The following NUDT21 variants were observed in gnomAD, a reference collection of about 807,000 sequenced individuals.
NUDT21 encodes nudix hydrolase 21.
In NUDT21, 5 loss-of-function variants were observed where a neutral mutation model predicts 29.8. That is an observed-to-expected ratio of 0.17 (90% CI 0.09 to 0.35). NUDT21 has a LOEUF of 0.35. Ranked by LOEUF, NUDT21 falls within the 10% of genes least tolerant of loss-of-function variation. The pLI is 1.00. For missense variants in NUDT21, 76 were observed against 276.0 expected (o/e 0.28, Z 5.13); for synonymous variants, 113 against 98.5 (o/e 1.15, Z -0.87).
In NUDT21 at chr16:56,432,718, G is replaced by A; in HGVS notation, c.678C>T (p.Tyr226=). 1 of 1,610,314 alleles carries A rather than the reference G, an allele frequency of 6.2e-7. No homozygotes were observed. The highest frequency in any genetic ancestry group is 8.5e-7 in the Non-Finnish European group (1 of 1,177,168). The change falls in exon 7 of 7, where the codon TAC becomes TAT. Residue 226 remains tyrosine (Y), a synonymous_variant. Transcript: ENST00000300291. ...TTCTCCACTGCGCAGGAATTCAGTT[G>A]TAAATAAAATTGAACCTGAATTTTA... ...PQLLSRFNFI[Y]N
At chr16:56,445,574 CATAT>C (rs1364360243) in intron 3 of NUDT21, among the ~76,000 whole-genome samples, 1 of 152,176 alleles carries the variant, frequency 6.6e-6, no homozygotes, top group East Asian at 1.9e-4. Flanking sequence ...AAATATACTC[CATAT>C]ATACTTTGAA....
In NUDT21 at chr16:56,439,754, A is replaced by G; in HGVS notation, c.382-8T>C. 1 of 1,608,858 alleles carries G rather than the reference A, an allele frequency of 6.2e-7. No individual in the cohort carries two copies. The highest frequency in any genetic ancestry group is 8.5e-7 in the Non-Finnish European group (1 of 1,175,218). ...ATCCTGACGACCCAGTATCTGTCAA[A>G]AAGAAATAAGCCAGTAAACAACTAA... On this transcript the variant is annotated splice_region_variant and splice_polypyrimidine_tract_variant and intron_variant, in intron 3 of 6. Transcript: ENST00000300291.
intron 4 of NUDT21, among the ~76,000 whole-genome samples, chr16:56,437,159 A>G (rs757918309): frequency 3.9e-5 from 6 of 152,188 alleles, no homozygotes; most frequent in Admixed American, 6.5e-5. Flanking sequence ...CACAGCCCCT[A>G]TCTTCTTGTC....
rs1441376060 is a variant in NUDT21, at chr16:56,432,086, C to T, written c.*626G>A. 2 of 152,196 alleles carry T rather than the reference C, an allele frequency of 1.3e-5. No homozygotes were observed. Among genetic ancestry groups the T allele is most frequent in the Non-Finnish European group, 2.9e-5 (2 of 68,042 alleles). The allele number at this position is 152,196 out of a possible 1,614,324, so 9.4% of individuals were successfully genotyped here. A position where few individuals can be genotyped will look rare whatever the true frequency, so the allele number is the denominator to read the frequency against. On this transcript the variant is annotated 3_prime_UTR_variant, in exon 7 of 7. Coordinates refer to ENST00000300291, the MANE Select transcript of NUDT21 (RefSeq NM_007006.3). ...TCTCTTCTTATACCAATTCCTATGA[C>T]TACTGATCGAGCCAATTTTAATAGT...
At chr16:56,450,629 A>ATTACAGCT (rs1962285935) in intron 1 of NUDT21, among the ~76,000 whole-genome samples, 1 of 152,256 alleles carries the variant, frequency 6.6e-6, no homozygotes, top group Non-Finnish European at 1.5e-5. Context: ...AGACCTAGGC[A>ATTACAGCT]TTACAGCTAG....
At position 56,430,184 on chromosome 16, in the gene NUDT21, A is replaced by C. The variant is rs1218492330; in HGVS notation, c.*2528T>G. The C allele has an allele frequency of 6.6e-6, 1 of 152,236 alleles. No homozygotes were observed. Among genetic ancestry groups the C allele is most frequent in the African/African-American group, 2.4e-5 (1 of 41,454 alleles). The allele number at this position is 152,236 out of a possible 1,614,324, so 9.4% of individuals were successfully genotyped here. A position where few individuals can be genotyped will look rare whatever the true frequency, so the allele number is the denominator to read the frequency against. On this transcript the variant is annotated 3_prime_UTR_variant, in exon 7 of 7. Coordinates refer to ENST00000300291, the MANE Select transcript of NUDT21 (RefSeq NM_007006.3). ...GTACAAATTCAAGTGCAGAATTATT[A>C]CGCCATTTTAAGTATTATCTACTTT...
chr16:56,435,746 T>C (rs1335321053), intron 4 of NUDT21, among the ~76,000 whole-genome samples: 4 of 49,656 alleles, frequency 8.1e-5, no homozygotes, highest in African/African-American at 1.8e-4. Flanking sequence ...AAAAAAATTA[T>C]ATATATATAT....
chr16:56,439,647 G>C lies in NUDT21; in HGVS notation c.471+10C>G, dbSNP rs1186404426. On this transcript the variant is annotated intron_variant, in intron 4 of 6. Coordinates refer to ENST00000300291, the MANE Select transcript of NUDT21 (RefSeq NM_007006.3). ...TCCAAAATGCCCAGCAAATGTAACT[G>C]AACACTGACCTGAGGAGGTTCAAAA... The C allele has an allele frequency of 1.9e-5, 30 of 1,581,796 alleles. No individual in the cohort carries two copies. Among genetic ancestry groups the C allele is most frequent in the Non-Finnish European group, 2.4e-5 (28 of 1,150,572 alleles).
chr16:56,432,428 T>A lies in NUDT21; in HGVS notation c.*284A>T, dbSNP rs935507129. The A allele has an allele frequency of 1.7e-5, 5 of 289,004 alleles. No homozygotes were observed. The highest frequency in any genetic ancestry group is 3.2e-5 in the Non-Finnish European group (5 of 155,380). 17.9% of individuals were successfully genotyped at this position (289,004 alleles called of 1,614,324 possible). On this transcript the variant is annotated 3_prime_UTR_variant, in exon 7 of 7. Transcript: ENST00000300291. ...AAAAATGATCCTCACCTATAAGAAT[T>A]TTAGAAGTTTAATGAGAAATTAAAA...
intron 1 of NUDT21, among the ~76,000 whole-genome samples, chr16:56,449,563 A>G (rs775142887): frequency 7.9e-5 from 12 of 152,230 alleles, no homozygotes; most frequent in Non-Finnish European, 5.9e-5. Flanking sequence ...AAATCAACCC[A>G]TAATTTTAAT....
At chr16:56,433,507 G>A (rs1226227676) in intron 6 of NUDT21, among the ~76,000 whole-genome samples, 1 of 152,038 alleles carries the variant, frequency 6.6e-6, no homozygotes, top group African/African-American at 2.4e-5. Flanking sequence ...CTCTAATAGA[G>A]ACCTCAACCA....
intron 5 of NUDT21, 44 bp downstream of exon 5, chr16:56,434,710 T>C (rs775372533): frequency 7.9e-7 from 1 of 1,261,706 alleles, no homozygotes; most frequent in Non-Finnish European, 1.2e-6. Flanking sequence ...GAAATTATTC[T>C]ACAGAATTTT....
chr16:56,449,901 G>A (rs947160074), intron 1 of NUDT21, among the ~76,000 whole-genome samples: 2 of 152,008 alleles, frequency 1.3e-5, no homozygotes, highest in African/African-American at 2.4e-5. Context: ...GTCGTGAGCC[G>A]CCACTCCTGA....
chr16:56,434,696 C>T (rs1471163481), intron 5 of NUDT21, 58 bp downstream of exon 5: 2 of 1,119,270 alleles, frequency 1.8e-6, no homozygotes, highest in Non-Finnish European at 2.7e-6. Context: ...ATAGAGGTAT[C>T]CTTGAAATTA....
intron 3 of NUDT21, 85 bp from the exon 4 acceptor site, chr16:56,439,831 T>G: frequency 9.9e-7 from 1 of 1,013,600 alleles, no homozygotes; most frequent in South Asian, 1.3e-5. Flanking sequence ...TTCTTAGCAG[T>G]GCTCCTAATT....
chr16:56,441,917 A>G (rs1457004895), intron 3 of NUDT21, among the ~76,000 whole-genome samples: 1 of 152,092 alleles, frequency 6.6e-6, no homozygotes, highest in African/African-American at 2.4e-5. Context: ...TTTTTTCAAG[A>G]CAAGATCTGT....
intron 4 of NUDT21, chr16:56,439,154 CTT>C (rs1406681913): frequency 1.3e-5 from 2 of 154,328 alleles, no homozygotes; most frequent in African/African-American, 4.8e-5. Flanking sequence ...ACCATTCTCT[CTT>C]CTTTTGTATT....
intron 3 of NUDT21, among the ~76,000 whole-genome samples, chr16:56,441,898 T>A (rs74246247): frequency 0.041 from 6,280 of 152,312 alleles, 158 homozygotes; most frequent in East Asian, 0.13. Flanking sequence ...TTCTAAGACA[T>A]GTTTTTCCTT....
chr16:56,440,449 C>A lies in NUDT21; in HGVS notation c.382-703G>T, dbSNP rs565373342. Among the ~76,000 whole-genome samples, 19 of 152,292 alleles carry A rather than the reference C, an allele frequency of 1.2e-4. No homozygotes were observed. In the East Asian group the frequency reaches 3.7e-3, roughly 29 times the overall value. On this transcript the variant is annotated intron_variant, in intron 3 of 6. Transcript: ENST00000300291. ...CAGTCCCAGGATCCCATCTAAGATA[C>A]CATATTACACTTAATCTTCATTTCT...
Sources: allele counts gnomAD v4.1 joint callset (sites outside exome capture counted in the v4.1 genomes callset), GRCh38; gene constraint gnomAD v4.1.1; transcripts MANE v1.5; gene names NCBI Gene and HGNC (gene_info 2026-07-23, HGNC 2026-07-21).